Variants in GNG7 observed in about 807,000 individuals in gnomAD.
GNG7 encodes guanine nucleotide-binding protein G(I)/G(S)/G(O) subunit gamma-7.
A neutral mutation model predicts 4.0 loss-of-function variants in GNG7; 1 was observed. That is an observed-to-expected ratio of 0.25 (90% CI 0.09 to 1.18). GNG7 has a LOEUF of 1.18. Ranked by LOEUF, GNG7 falls within the 50% of genes most tolerant of loss-of-function variation. The probability of loss-of-function intolerance (pLI) is 0.50; values close to 1 mark genes in which losing one functional copy is unlikely to be tolerated. For missense variants in GNG7, 86 were observed against 91.9 expected (o/e 0.94, Z 0.26); for synonymous variants, 34 against 36.9 (o/e 0.92, Z 0.29).
chr19:2,634,240 T>C lies in GNG7; in HGVS notation c.-78+11984A>G, dbSNP rs1982246852. Among the ~76,000 whole-genome samples the C allele has an allele frequency of 6.6e-6, 1 of 152,158 alleles. No homozygotes were observed. The highest frequency in any genetic ancestry group is 2.4e-5 in the African/African-American group (1 of 41,442). On this transcript the variant is annotated intron_variant, in intron 2 of 4. Coordinates refer to ENST00000382159, the MANE Select transcript of GNG7 (RefSeq NM_052847.3). The surrounding 1 kb of genome is among the most constrained non-coding windows in gnomAD (Gnocchi z 5.3). ...TTTCTCCCCCTCAGCACTGTGGACA[T>C]TTGAGGCCCGATTGTTCTCTGGGGT...
intron 2 of GNG7, chr19:2,630,605 C>CT (rs1414083690): frequency 2.6e-5 from 4 of 152,024 alleles, no homozygotes; most frequent in Non-Finnish European, 5.9e-5. Context: ...CAGAAACAGT[C>CT]TATCAACCAC....
At chr19:2,687,627 C>T (rs1353877138) in intron 1 of GNG7, among the ~76,000 whole-genome samples, 1 of 151,792 alleles carries the variant, frequency 6.6e-6, no homozygotes, top group Non-Finnish European at 1.5e-5. Flanking sequence ...AAAAAACAAA[C>T]AAACAAAAAA....
intron 3 of GNG7, among the ~76,000 whole-genome samples, chr19:2,543,397 T>C (rs1444543247): frequency 1.3e-5 from 2 of 151,996 alleles, no homozygotes; most frequent in African/African-American, 2.4e-5. Flanking sequence ...ATTTTTAATA[T>C]TTTTTCTTTT....
intron 2 of GNG7, among the ~76,000 whole-genome samples, chr19:2,568,548 T>C (rs929224487): frequency 7.4e-6 from 1 of 134,794 alleles, no homozygotes; most frequent in Admixed American, 7.0e-5. Context: ...CACATACACA[T>C]ATATATACAC....
chr19:2,646,830 T>C (rs1389757528), intron 1 of GNG7, among the ~76,000 whole-genome samples: 2 of 152,258 alleles, frequency 1.3e-5, no homozygotes, highest in Non-Finnish European at 2.9e-5. Context: ...TCTACGGCTC[T>C]TCACAGTTTA....
intron 2 of GNG7, among the ~76,000 whole-genome samples, chr19:2,586,518 A>C (rs1980677824): frequency 6.6e-6 from 1 of 152,214 alleles, no homozygotes; most frequent in Non-Finnish European, 1.5e-5. Context: ...GCTGAGGCTG[A>C]AAGGGAAGGA....
chr19:2,522,100 T>G (rs1978311951), intron 3 of GNG7, among the ~76,000 whole-genome samples: 1 of 152,014 alleles, frequency 6.6e-6, no homozygotes, highest in Non-Finnish European at 1.5e-5. Flanking sequence ...TCTGGGACAT[T>G]TGTGGCTGTC....
intron 3 of GNG7, among the ~76,000 whole-genome samples, chr19:2,539,882 C>CTCCT (rs5826771): frequency 0.46 from 51,503 of 112,368 alleles, 11,193 homozygotes; most frequent in African/African-American, 0.69. Flanking sequence ...CTCTCTCCCT[C>CTCCT]TCCTTCCTTC....
In GNG7 at chr19:2,633,854, G is replaced by A. The variant is rs561645735; in HGVS notation, c.-78+12370C>T. The stretch of plus-strand genomic sequence containing the variant: ...GGGCTGAATCATTCTTGGTTGTGGG[G>A]CTGCCCCGGGCACTGCAGGGTGCTG... On this transcript the variant is annotated intron_variant, in intron 2 of 4. Coordinates refer to ENST00000382159, the MANE Select transcript of GNG7 (RefSeq NM_052847.3). The surrounding 1 kb of genome is among the most constrained non-coding windows in gnomAD (Gnocchi z 5.9). Among the ~76,000 whole-genome samples the A allele has an allele frequency of 2.6e-5, 4 of 152,218 alleles. No individual in the cohort carries two copies. Among genetic ancestry groups the A allele is most frequent in the African/African-American group, 9.6e-5 (4 of 41,532 alleles).
intron 2 of GNG7, among the ~76,000 whole-genome samples, chr19:2,637,384 G>T (rs1015752245): frequency 2.7e-4 from 41 of 152,016 alleles, no homozygotes; most frequent in African/African-American, 9.9e-4. Flanking sequence ...CCACCCAGAG[G>T]TCAGAGACCC....
Position 2,633,511 on chromosome 19 carries a change from A to C in GNG7, c.-78+12713T>G, listed in dbSNP as rs917954498. On this transcript the variant is annotated intron_variant, in intron 2 of 4. Transcript: ENST00000382159. The surrounding 1 kb of genome is among the most constrained non-coding windows in gnomAD (Gnocchi z 5.9). The stretch of plus-strand genomic sequence containing the variant: ...CGCACACACACACACACACACACAC[A>C]CACACACACACACGAGAGGTGGCTG... Among the ~76,000 whole-genome samples the C allele has an allele frequency of 6.7e-6, 1 of 149,206 alleles. No individual in the cohort carries two copies. Among genetic ancestry groups the C allele is most frequent in the Admixed American group, 6.8e-5 (1 of 14,736 alleles).
In GNG7 at chr19:2,688,661, C is replaced by T. The variant is rs188891710; in HGVS notation, c.-135+13985G>A. On this transcript the variant is annotated intron_variant, in intron 1 of 4. Coordinates refer to ENST00000382159, the MANE Select transcript of GNG7 (RefSeq NM_052847.3). ...CATGGTCCCAACCTGGAAGAACCCC[C>T]GGAGACGAGCCGGCTAAATGTCACG... is the stretch of plus-strand genomic sequence containing the variant. 2.2e-4 allele frequency among the ~76,000 whole-genome samples: 34 copies of T among 152,210 alleles called. 2 individuals carry two copies. The highest frequency in any genetic ancestry group is 1.2e-3 in the East Asian group (6 of 5,184).
chr19:2,660,798 TA>T (rs1292171567), intron 1 of GNG7, among the ~76,000 whole-genome samples: 1 of 149,196 alleles, frequency 6.7e-6, no homozygotes, highest in Non-Finnish European at 1.5e-5. Context: ...CTCAAATAAA[TA>T]AATAAAGACA....
chr19:2,594,196 C>T (rs1224103967), intron 2 of GNG7, among the ~76,000 whole-genome samples: 4 of 152,000 alleles, frequency 2.6e-5, no homozygotes, highest in Admixed American at 2.6e-4. Flanking sequence ...CATGGAGAAA[C>T]CCCATCTCTA....
chr19:2,685,910 C>T lies in GNG7; in HGVS notation c.-135+16736G>A, dbSNP rs562332733. ...AACAAAGGGCCCCATTCACTGTCCC[C>T]GCGAGAGGAGGCCTGAGCTCTTTCT... On this transcript the variant is annotated intron_variant, in intron 1 of 4. Transcript: ENST00000382159. Among the ~76,000 whole-genome samples the T allele has an allele frequency of 1.1e-4, 17 of 152,294 alleles. No homozygotes were observed. In the East Asian group the frequency reaches 3.1e-3, roughly 28 times the overall value.
intron 2 of GNG7, among the ~76,000 whole-genome samples, chr19:2,637,017 T>C (rs1484558458): frequency 6.7e-6 from 1 of 149,212 alleles, no homozygotes. Flanking sequence ...CACCTCCAAC[T>C]CCACTTGTCC....
chr19:2,520,661 C>T lies in GNG7; in HGVS notation c.28G>A (p.Ala10Thr), dbSNP rs1461733481. 6.4e-7 allele frequency: 1 copy of T among 1,551,798 alleles called. No homozygotes were observed. Among genetic ancestry groups the T allele is most frequent in the African/African-American group, 1.4e-5 (1 of 73,580 alleles). Residue 10 changes from alanine (A) to threonine (T), a missense_variant, in exon 4 of 5, where the codon GCC becomes ACC. Ala to Thr is a moderately conservative substitution (Grantham distance 58). Coordinates refer to ENST00000382159, the MANE Select transcript of GNG7 (RefSeq NM_052847.3). MSATNNIAQ[A>T]RKLVEQLRIE... is the part of the protein sequence containing the mutation. ...CGTAGCTGTTCCACCAGCTTCCGGG[C>T]CTGGGCTATGTTGTTAGTGGCTGAC...
At position 2,599,666 on chromosome 19, in the gene GNG7, G is replaced by A. The variant is rs575494691; in HGVS notation, c.-77-44478C>T. Among the ~76,000 whole-genome samples, 7 of 152,320 alleles carry A rather than the reference G, an allele frequency of 4.6e-5. No individual in the cohort carries two copies. The South Asian group carries it at 1.4e-3, about 32-fold the overall frequency. ...AAAACCGGGGGTTAGGCCGGGCGCG[G>A]TGGCTCACGCCTGTAATCCCAGCAC... On this transcript the variant is annotated intron_variant, in intron 2 of 4. Coordinates refer to ENST00000382159, the MANE Select transcript of GNG7 (RefSeq NM_052847.3).
intron 2 of GNG7, among the ~76,000 whole-genome samples, chr19:2,602,138 A>C (rs1447043026): frequency 1.3e-5 from 2 of 151,982 alleles, no homozygotes; most frequent in African/African-American, 2.4e-5. Flanking sequence ...GGAGTTCGAG[A>C]CCAGCCTGGC....
Sources: gnomAD v4.1 joint callset for allele counts (sites outside exome capture counted in the v4.1 genomes callset) on GRCh38, gnomAD v4.1.1 for gene constraint, Gnocchi (gnomAD v3.1) non-coding constraint, MANE v1.5 for transcripts, NCBI Gene and HGNC (gene_info 2026-07-23, HGNC 2026-07-21) for gene names.